Variants in SCAPER observed in about 807,000 individuals in gnomAD.
SCAPER encodes S phase cyclin A-associated protein in the endoplasmic reticulum.
Under a neutral mutation model 182.2 loss-of-function variants are expected in SCAPER, and 98 were observed. That is an observed-to-expected ratio of 0.54 (90% CI 0.46 to 0.64). SCAPER has a LOEUF of 0.64. Among genes scored for constraint, SCAPER ranks in the 30% least tolerant of loss-of-function variants. The pLI is 0.00. For synonymous variants in SCAPER, 605 were observed against 564.6 expected (o/e 1.07, Z -1.01); for missense variants, 1,432 against 1,690.0 (o/e 0.85, Z 2.68).
chr15:76,773,183 T>C (rs2063562694), intron 9 of SCAPER, among the ~76,000 whole-genome samples: 1 of 151,934 alleles, frequency 6.6e-6, no homozygotes, highest in Admixed American at 6.6e-5. Context: ...ATCATTTTTA[T>C]AACAAAATCA....
intron 17 of SCAPER, among the ~76,000 whole-genome samples, chr15:76,721,302 A>G (rs2060225758): frequency 2.0e-5 from 3 of 152,144 alleles, no homozygotes; most frequent in Non-Finnish European, 4.4e-5. Flanking sequence ...TTTTGGTACC[A>G]GTACCATGCT....
intron 28 of SCAPER, among the ~76,000 whole-genome samples, chr15:76,379,441 GTTTTTTATTTA>G (rs61417604): frequency 0.1 from 15,495 of 151,974 alleles, 918 homozygotes; most frequent in African/African-American, 0.17. Flanking sequence ...GAGAATAATT[GTTTTTTATTTA>G]TTTTTTATTT....
chr15:76,784,478 T>A (rs1291545353), intron 8 of SCAPER, among the ~76,000 whole-genome samples: 5 of 152,172 alleles, frequency 3.3e-5, no homozygotes. Context: ...ATTTACAGAC[T>A]CAATGCCATC....
intron 26 of SCAPER, among the ~76,000 whole-genome samples, chr15:76,414,901 A>G (rs1347460749): frequency 6.6e-6 from 1 of 152,164 alleles, no homozygotes; most frequent in African/African-American, 2.4e-5. Context: ...ACTTAAGTTT[A>G]TTTGATAGAA....
intron 31 of SCAPER, 41 bp from the exon 32 acceptor site, chr15:76,348,777 G>T: frequency 4.2e-6 from 5 of 1,177,830 alleles, no homozygotes; most frequent in Middle Eastern, 2.0e-4. Context: ...AATAAAAGAG[G>T]GTTAAATTCT....
chr15:76,541,613 C>T (rs1259244021), intron 23 of SCAPER, among the ~76,000 whole-genome samples: 4 of 152,148 alleles, frequency 2.6e-5, no homozygotes, highest in Non-Finnish European at 5.9e-5. Flanking sequence ...CTATAAATGA[C>T]TCTATATGCT....
intron 29 of SCAPER, among the ~76,000 whole-genome samples, chr15:76,365,982 A>G (rs997333080): frequency 6.6e-6 from 1 of 152,178 alleles, no homozygotes; most frequent in Non-Finnish European, 1.5e-5. Context: ...ACAAAGGAAA[A>G]AAGTCATCAC....
chr15:76,567,777 G>A (rs545079179), intron 23 of SCAPER, among the ~76,000 whole-genome samples: 61 of 152,112 alleles, frequency 4.0e-4, no homozygotes, highest in Non-Finnish European at 8.2e-4. Context: ...CCACTCTTTT[G>A]TTGATTATAT....
chr15:76,389,909 A>G (rs1197993743), intron 27 of SCAPER, among the ~76,000 whole-genome samples: 2 of 151,944 alleles, frequency 1.3e-5, no homozygotes, highest in African/African-American at 4.8e-5. Context: ...GATACCTGGG[A>G]GAATTTCCAG....
intron 23 of SCAPER, among the ~76,000 whole-genome samples, chr15:76,520,110 C>T (rs1042131461): frequency 6.6e-6 from 1 of 152,194 alleles, no homozygotes; most frequent in Non-Finnish European, 1.5e-5. Flanking sequence ...AGTCTTCCTA[C>T]TATATCCATG....
intron 5 of SCAPER, among the ~76,000 whole-genome samples, chr15:76,832,487 A>C (rs3110376): frequency 0.98 from 148,977 of 152,320 alleles, 72,938 homozygotes; most frequent in South Asian, 1. Context: ...TGTAAAGAGA[A>C]CAAACCTCTA....
chr15:76,827,105 C>G (rs1481867293), intron 5 of SCAPER, among the ~76,000 whole-genome samples: 1 of 152,120 alleles, frequency 6.6e-6, no homozygotes, highest in East Asian at 1.9e-4. Context: ...TTTCACCCTC[C>G]AGTTACTATT....
chr15:76,825,439 T>A (rs1326700244), intron 5 of SCAPER, among the ~76,000 whole-genome samples: 2 of 152,214 alleles, frequency 1.3e-5, no homozygotes, highest in African/African-American at 4.8e-5. Context: ...CTAATGTCAA[T>A]GGATATTCAA....
At chr15:76,535,490 C>T (rs2044063295) in intron 23 of SCAPER, among the ~76,000 whole-genome samples, 1 of 135,856 alleles carries the variant, frequency 7.4e-6, no homozygotes, top group Non-Finnish European at 1.5e-5. Context: ...CCATTGCACT[C>T]CAGCCTGGGC....
intron 24 of SCAPER, among the ~76,000 whole-genome samples, chr15:76,490,550 T>A (rs2052192902): frequency 6.6e-6 from 1 of 152,226 alleles, no homozygotes; most frequent in Admixed American, 6.5e-5. Context: ...AACTTAACCC[T>A]TTCTCTGATA....
At chr15:76,503,727 T>C (rs2041338358) in intron 24 of SCAPER, among the ~76,000 whole-genome samples, 1 of 152,200 alleles carries the variant, frequency 6.6e-6, no homozygotes. Context: ...CAAATTTTCT[T>C]AGCTAGTAGC....
rs561681656 is a variant in SCAPER, at chr15:76,365,706, G to A, written c.3855+10456C>T. 3.9e-5 allele frequency among the ~76,000 whole-genome samples: 6 copies of A among 152,180 alleles called. 1 individual carries two copies. The highest frequency in any genetic ancestry group is 3.3e-4 in the Admixed American group (5 of 15,284). ...TATCTGTGTCTCTTTTACCATTGGG[G>A]CTGGGGATGGGAGGAAGGCTGGTCA... On this transcript the variant is annotated intron_variant, in intron 29 of 31. Transcript: ENST00000563290.
intron 5 of SCAPER, among the ~76,000 whole-genome samples, chr15:76,837,767 T>C (rs962672152): frequency 6.6e-6 from 1 of 152,138 alleles, no homozygotes; most frequent in Admixed American, 6.5e-5. Context: ...CGAACAGACA[T>C]TTGTCAAAAG....
chr15:76,547,048 T>G (rs1291068921), intron 23 of SCAPER, among the ~76,000 whole-genome samples: 1 of 152,164 alleles, frequency 6.6e-6, no homozygotes, highest in Non-Finnish European at 1.5e-5. Context: ...CTACAAAATT[T>G]TCTCCAAAGT....
Sources: allele counts gnomAD v4.1 joint callset (sites outside exome capture counted in the v4.1 genomes callset), GRCh38; gene constraint gnomAD v4.1.1; transcripts MANE v1.5; gene names NCBI Gene and HGNC (gene_info 2026-07-23, HGNC 2026-07-21).